Variants in MARK3 observed in about 807,000 individuals in gnomAD.
MARK3 encodes microtubule affinity regulating kinase 3.
In MARK3, 46 loss-of-function variants were observed where a neutral mutation model predicts 90.1. The ratio of observed to expected loss-of-function variants is 0.51; its 90% CI spans 0.40 to 0.65. The LOEUF (loss-of-function observed/expected upper bound fraction) is 0.65. Ranked by LOEUF, MARK3 falls within the 30% of genes least tolerant of loss-of-function variation. The pLI is 0.00. For synonymous variants in MARK3, 321 were observed against 332.6 expected (o/e 0.97, Z 0.38); for missense variants, 818 against 947.2 (o/e 0.86, Z 1.79).
chr14:103,456,500 T>C (rs372346561), intron 5 of MARK3, among the ~76,000 whole-genome samples: 13 of 152,186 alleles, frequency 8.5e-5, no homozygotes, highest in African/African-American at 2.7e-4. Flanking sequence ...GATAACTACA[T>C]TGTCCACACC....
At chr14:103,472,006 C>A (rs947111102) in intron 12 of MARK3, among the ~76,000 whole-genome samples, 1 of 151,822 alleles carries the variant, frequency 6.6e-6, no homozygotes, top group Non-Finnish European at 1.5e-5. Context: ...GTCAGGAGAT[C>A]GAGACCATCC....
intron 9 of MARK3, 54 bp downstream of exon 9, chr14:103,466,145 T>G: frequency 6.3e-7 from 1 of 1,589,454 alleles, no homozygotes; most frequent in African/African-American, 1.4e-5. Context: ...TAGAGTGACC[T>G]TAGATCTTTG....
At chr14:103,494,156 C>T (rs921350424) in intron 15 of MARK3, among the ~76,000 whole-genome samples, 1 of 151,022 alleles carries the variant, frequency 6.6e-6, no homozygotes, top group African/African-American at 2.4e-5. Flanking sequence ...ATCGCTTGAA[C>T]CTGGGAGGCG....
chr14:103,480,299 A>G (rs8014010), intron 13 of MARK3, 88 bp from the exon 14 acceptor site: 759,196 of 766,030 alleles, frequency 0.99, 376,526 homozygotes, highest in East Asian at 1. Context: ...TAAAAGACTG[A>G]CATTCCTATT....
chr14:103,411,317 T>C (rs2091618025), intron 2 of MARK3, among the ~76,000 whole-genome samples: 1 of 152,192 alleles, frequency 6.6e-6, no homozygotes, highest in Non-Finnish European at 1.5e-5. Context: ...TGTATTTTCT[T>C]CTAATACTCC....
At chr14:103,490,599 A>G (rs1335736983) in intron 14 of MARK3, 2 of 152,394 alleles carry the variant, frequency 1.3e-5, no homozygotes, top group Admixed American at 1.3e-4. Flanking sequence ...TGCTCATATT[A>G]TATATTCATT....
intron 2 of MARK3, among the ~76,000 whole-genome samples, chr14:103,415,343 C>G (rs2091900476): frequency 6.6e-6 from 1 of 152,050 alleles, no homozygotes; most frequent in South Asian, 2.1e-4. Context: ...TTAGATGAGA[C>G]TTCCCACAGG....
At chr14:103,477,209 T>C (rs1382360574) in intron 13 of MARK3, among the ~76,000 whole-genome samples, 3 of 152,140 alleles carry the variant, frequency 2.0e-5, no homozygotes, top group African/African-American at 4.8e-5. Flanking sequence ...TCCATAGCTA[T>C]GGCCAGGCAC....
intron 1 of MARK3, among the ~76,000 whole-genome samples, chr14:103,400,898 C>CA (rs34861063): frequency 0.5 from 34,948 of 69,898 alleles, 8,103 homozygotes; most frequent in East Asian, 0.58. Context: ...GACCCTGTCT[C>CA]AAAAAAAAAA....
chr14:103,498,360 G>A, intron 15 of MARK3, 142 bp from the exon 16 acceptor site: 1 of 490,488 alleles, frequency 2.0e-6, no homozygotes, highest in Non-Finnish European at 3.4e-6. Context: ...TTCAACAAAT[G>A]TCAGCATTTC....
rs192488346 is a variant in MARK3, at chr14:103,455,166, A to G, written c.413-1976A>G. Among the ~76,000 whole-genome samples the G allele has an allele frequency of 5.3e-4, 81 of 152,250 alleles. 1 individual carries two copies. The East Asian group carries it at 0.014, about 26-fold the overall frequency. On this transcript the variant is annotated intron_variant, in intron 5 of 17. Coordinates refer to ENST00000429436, the MANE Select transcript of MARK3 (RefSeq NM_001128918.3). The stretch of plus-strand genomic sequence containing the variant: ...AAAAATCTGTCAATTATATTGACAG[A>G]CTTGGATTTTATCTGTGTTACTCTA...
chr14:103,475,781 C>G (rs934339425), intron 13 of MARK3, among the ~76,000 whole-genome samples: 7 of 152,080 alleles, frequency 4.6e-5, no homozygotes, highest in African/African-American at 1.7e-4. Flanking sequence ...GCCATCTCTA[C>G]TAAAAATACA....
In MARK3 at chr14:103,465,643, C is replaced by T. The variant is rs370963168; in HGVS notation, c.627C>T (p.Leu209=). The T allele has an allele frequency of 2.5e-5, 41 of 1,614,076 alleles. No individual in the cohort carries two copies. Among genetic ancestry groups the T allele is most frequent in the Non-Finnish European group, 3.2e-5 (38 of 1,180,036 alleles). Reference sequence around the variant, plus strand: ...ATGAATTTACTGTTGGCGGTAAACTCGACACGTTTTGTGGCAGTCCTCCAT... The same window carrying T: ...ATGAATTTACTGTTGGCGGTAAACTTGACACGTTTTGTGGCAGTCCTCCAT... The part of the protein sequence containing the change: ...FSNEFTVGGK[L]DTFCGSPPYA... Residue 209 remains leucine (L), a synonymous_variant, in exon 8 of 18, where the codon CTC becomes CTT. Transcript: ENST00000429436.
intron 1 of MARK3, among the ~76,000 whole-genome samples, chr14:103,396,451 A>C (rs985643648): frequency 5.3e-5 from 8 of 149,620 alleles, no homozygotes; most frequent in Non-Finnish European, 1.2e-4. Context: ...TTTTTCCTTT[A>C]CTTTCATATT....
rs137984017 is a variant in MARK3 at position 103,472,789 on chromosome 14, C to T, written c.1265-2204C>T. The stretch of plus-strand genomic sequence containing the variant: ...TTGAGAGGCCGAGGCAGGCAGATCA[C>T]GAGGTCAAGAGATCGAGACCATCTG... On this transcript the variant is annotated intron_variant, in intron 12 of 17. Coordinates refer to ENST00000429436, the MANE Select transcript of MARK3 (RefSeq NM_001128918.3). Among the ~76,000 whole-genome samples, 412 of 152,220 alleles carry T rather than the reference C, an allele frequency of 2.7e-3. 2 individuals carry two copies. Among genetic ancestry groups the T allele is most frequent in the African/African-American group, 9.4e-3 (391 of 41,546 alleles).
chr14:103,503,539 G>T lies in MARK3; in HGVS notation c.*312G>T. Reference sequence around the variant, plus strand: ...GGTATGTGTGTGAAGTGGTGTATATGGAAGCATCTCCCTACACTGGCAGCC... The same window carrying T: ...GGTATGTGTGTGAAGTGGTGTATATTGAAGCATCTCCCTACACTGGCAGCC... On this transcript the variant is annotated 3_prime_UTR_variant, in exon 18 of 18. Transcript: ENST00000429436. 1 of 320,100 alleles carries T rather than the reference G, an allele frequency of 3.1e-6. No homozygotes were observed. Among genetic ancestry groups the T allele is most frequent in the Non-Finnish European group, 5.8e-6 (1 of 171,516 alleles). 19.8% of individuals were successfully genotyped at this position (320,100 alleles called of 1,614,324 possible).
chr14:103,490,339 T>C (rs2093995911), intron 14 of MARK3: 1 of 152,148 alleles, frequency 6.6e-6, no homozygotes, highest in African/African-American at 2.4e-5. Context: ...CATAGGATAC[T>C]GTTATATAAC....
intron 1 of MARK3, among the ~76,000 whole-genome samples, chr14:103,392,884 G>A (rs552754381): frequency 4.7e-5 from 7 of 150,504 alleles, no homozygotes; most frequent in Non-Finnish European, 7.4e-5. Context: ...GATCTCGCTC[G>A]CTGCAACCTC....
chr14:103,430,827 T>A (rs1373638172), intron 3 of MARK3, among the ~76,000 whole-genome samples: 1 of 152,228 alleles, frequency 6.6e-6, no homozygotes, highest in East Asian at 1.9e-4. Context: ...TTTGCAGCCA[T>A]TGAATTAATA....
Sources: allele counts gnomAD v4.1 joint callset (sites outside exome capture counted in the v4.1 genomes callset), GRCh38; gene constraint gnomAD v4.1.1; transcripts MANE v1.5; gene names NCBI Gene and HGNC (gene_info 2026-07-23, HGNC 2026-07-21).